The following MARCHF5 variants were observed in gnomAD, a reference collection of about 807,000 sequenced individuals.
MARCHF5 encodes membrane associated ring-CH-type finger 5.
Under a neutral mutation model 36.5 loss-of-function variants are expected in MARCHF5, and 5 were observed. That is an observed-to-expected ratio of 0.14 (90% CI 0.07 to 0.29). The LOEUF (loss-of-function observed/expected upper bound fraction) is 0.29, where lower values mean the gene tolerates loss of function less well. Ranked by LOEUF, MARCHF5 falls within the 10% of genes least tolerant of loss-of-function variation. MARCHF5 has a pLI of 1.00. For synonymous variants in MARCHF5, 103 were observed against 109.9 expected (o/e 0.94, Z 0.39); for missense variants, 179 against 336.3 (o/e 0.53, Z 3.66).
At chr10:92,317,461 T>C (rs1843226171) in intron 2 of MARCHF5, among the ~76,000 whole-genome samples, 1 of 152,148 alleles carries the variant, frequency 6.6e-6, no homozygotes, top group African/African-American at 2.4e-5. Context: ...TTTTTTTAGT[T>C]TTTAAATTTG....
intron 1 of MARCHF5, among the ~76,000 whole-genome samples, chr10:92,295,413 T>A (rs1222030269): frequency 4.3e-5 from 6 of 138,452 alleles, no homozygotes; most frequent in Non-Finnish European, 8.1e-5. Flanking sequence ...ATTTATTTTT[T>A]ATTTTTTTTT....
At position 92,351,781 on chromosome 10, in the gene MARCHF5, G is replaced by A. The variant is rs1843716800; in HGVS notation, c.*574G>A. ...TGGTGTTTTCTTTAACCCATGTGAT[G>A]TCCTCCAAAATGTGTAGGGTAAAAA... On this transcript the variant is annotated 3_prime_UTR_variant, in exon 6 of 6. Transcript: ENST00000358935. 1 of 152,546 alleles carries A rather than the reference G, an allele frequency of 6.6e-6. No homozygotes were observed. The highest frequency in any genetic ancestry group is 6.6e-5 in the Admixed American group (1 of 15,258). The allele number at this position is 152,546 out of a possible 1,614,324, so 9.4% of individuals were successfully genotyped here.
chr10:92,293,187 CCCCCGCCT>C (rs1334828907), intron 1 of MARCHF5, among the ~76,000 whole-genome samples: 11 of 152,052 alleles, frequency 7.2e-5, no homozygotes, highest in Non-Finnish European at 1.6e-4. Flanking sequence ...CTCACTGCAA[CCCCCGCCT>C]CCCAGGCTCA....
chr10:92,324,667 G>A (rs2076892258), intron 2 of MARCHF5, among the ~76,000 whole-genome samples: 1 of 152,112 alleles, frequency 6.6e-6, no homozygotes, highest in African/African-American at 2.4e-5. Flanking sequence ...CACTGCTTTA[G>A]CTGTATATCA....
At chr10:92,291,785 A>G (rs1338144159) in intron 1 of MARCHF5, among the ~76,000 whole-genome samples, 3 of 152,156 alleles carry the variant, frequency 2.0e-5, no homozygotes, top group Non-Finnish European at 4.4e-5. Context: ...TTGACCTGAG[A>G]GGGACTCCTG....
At chr10:92,303,662 G>C (rs1173222701) in intron 1 of MARCHF5, among the ~76,000 whole-genome samples, 1 of 152,042 alleles carries the variant, frequency 6.6e-6, no homozygotes, top group African/African-American at 2.4e-5. Flanking sequence ...CTTGAATAAT[G>C]TTAGATTTAG....
rs756369421 is a variant in MARCHF5, at chr10:92,351,109, G to T, written c.739G>T (p.Ala247Ser). ...ATTTTAGGGTGGAATTGCGTTTGTT[G>T]CCATAAAAGGAGCATTTAAAGTTTA... ...RTILGGIAFV[A>S]IKGAFKVYFK... Residue 247 changes from alanine (A) to serine (S), a missense_variant, in exon 6 of 6, where the codon GCC (alanine) becomes TCC (serine). Coordinates refer to ENST00000358935, the MANE Select transcript of MARCHF5 (RefSeq NM_017824.5). 1 of 1,609,212 alleles carries T rather than the reference G, an allele frequency of 6.2e-7. No individual in the cohort carries two copies. The highest frequency in any genetic ancestry group is 1.7e-5 in the Admixed American group (1 of 59,630).
intron 2 of MARCHF5, among the ~76,000 whole-genome samples, chr10:92,333,787 A>C (rs1843468088): frequency 6.6e-6 from 1 of 152,182 alleles, no homozygotes; most frequent in Non-Finnish European, 1.5e-5. Flanking sequence ...ATGTAGCAAA[A>C]AGACTTGGAG....
chr10:92,326,730 G>A (rs1843364969), intron 2 of MARCHF5, among the ~76,000 whole-genome samples: 1 of 150,222 alleles, frequency 6.7e-6, no homozygotes, highest in Admixed American at 6.6e-5. Context: ...AAATGGAAAG[G>A]AATAGCAAAT....
intron 2 of MARCHF5, among the ~76,000 whole-genome samples, chr10:92,337,043 G>T (rs1434723360): frequency 6.6e-6 from 1 of 151,480 alleles, no homozygotes; most frequent in Non-Finnish European, 1.5e-5. Flanking sequence ...GACTGCTTGA[G>T]CCCAGGAGGC....
At position 92,349,863 on chromosome 10, in the gene MARCHF5, A is replaced by G. The variant is rs748974326; in HGVS notation, c.720+26A>G. On this transcript the variant is annotated intron_variant, in intron 5 of 5. Coordinates refer to ENST00000358935, the MANE Select transcript of MARCHF5 (RefSeq NM_017824.5). Reference sequence around the variant, plus strand: ...GTAAGACGGCTTTAACATTACTTATATTACCTTGCAAAAGAGAATGAAGTG... The same window carrying G: ...GTAAGACGGCTTTAACATTACTTATGTTACCTTGCAAAAGAGAATGAAGTG... 14 of 1,570,688 alleles carry G rather than the reference A, an allele frequency of 8.9e-6. No individual in the cohort carries two copies. The African/African-American group carries it at 1.8e-4, about 20-fold the overall frequency.
intron 2 of MARCHF5, chr10:92,334,354 C>G (rs550793381): frequency 6.6e-6 from 1 of 152,184 alleles, no homozygotes; most frequent in Admixed American, 6.5e-5. Context: ...AGGAACTTAT[C>G]GTCTCAGAAA....
rs965295861 is a variant in MARCHF5, at chr10:92,297,483, CT to C, written c.35+5977del. Among the ~76,000 whole-genome samples the C allele has an allele frequency of 8.6e-3, 1,061 of 122,962 alleles. 7 individuals are homozygous for C. The highest frequency in any genetic ancestry group is 0.029 in the African/African-American group (931 of 31,676). 80.7% of individuals were successfully genotyped at this position (122,962 alleles called of 152,430 possible). ...GTGTTCCACCACATCCAGCTTTCAA[CT>C]TTTTTTTTTTTTTTTTTTTTTTGAG... On this transcript the variant is annotated intron_variant, in intron 1 of 5. Coordinates refer to ENST00000358935, the MANE Select transcript of MARCHF5 (RefSeq NM_017824.5).
chr10:92,348,042 G>A (rs1843675493), intron 3 of MARCHF5, among the ~76,000 whole-genome samples: 1 of 151,890 alleles, frequency 6.6e-6, no homozygotes, highest in Non-Finnish European at 1.5e-5. Flanking sequence ...AATTAGCTGG[G>A]CGTGGAGGTG....
chr10:92,299,284 C>T (rs1842984447), intron 1 of MARCHF5, among the ~76,000 whole-genome samples: 1 of 152,168 alleles, frequency 6.6e-6, no homozygotes, highest in Non-Finnish European at 1.5e-5. Context: ...GATTTCTATA[C>T]TTAAAAATCT....
intron 2 of MARCHF5, among the ~76,000 whole-genome samples, chr10:92,316,113 A>C (rs1179927430): frequency 6.6e-6 from 1 of 152,186 alleles, no homozygotes; most frequent in Admixed American, 6.5e-5. Context: ...GGGAAAGGTG[A>C]TGATGGTTAA....
At chr10:92,344,647 T>G (rs1366638911) in intron 3 of MARCHF5, among the ~76,000 whole-genome samples, 1 of 152,176 alleles carries the variant, frequency 6.6e-6, no homozygotes. Flanking sequence ...TTCTAACACT[T>G]GATTGTTTTT....
chr10:92,351,042 G>C (rs759449785), intron 5 of MARCHF5, 49 bp from the exon 6 acceptor site: 3 of 1,002,724 alleles, frequency 3.0e-6, no homozygotes, highest in Non-Finnish European at 4.7e-6. Context: ...TTATTACTCT[G>C]TTTCTCTAAA....
intron 1 of MARCHF5, among the ~76,000 whole-genome samples, chr10:92,300,891 CTTT>C (rs370507190): frequency 1.6e-5 from 2 of 127,700 alleles, no homozygotes; most frequent in African/African-American, 2.9e-5. Flanking sequence ...CCTCCTAATT[CTTT>C]TTTTTTTTTT....
Sources: allele counts gnomAD v4.1 joint callset (sites outside exome capture counted in the v4.1 genomes callset), GRCh38; gene constraint gnomAD v4.1.1; transcripts MANE v1.5; gene names NCBI Gene and HGNC (gene_info 2026-07-23, HGNC 2026-07-21).